Variants in LMLN observed in about 807,000 individuals in gnomAD.
LMLN encodes the protein leishmanolysin like peptidase, also known as leishmanolysin-like peptidase.
A neutral mutation model predicts 92.3 loss-of-function variants in LMLN; 70 were observed. That is an observed-to-expected ratio of 0.76 (90% confidence interval 0.63 to 0.92). The LOEUF (loss-of-function observed/expected upper bound fraction) is 0.92, where lower values mean the gene tolerates loss of function less well. Ranked by LOEUF, LMLN falls within the 40% of genes least tolerant of loss-of-function variation. The pLI is 0.00. For missense variants in LMLN, 691 were observed against 814.6 expected (o/e 0.85, Z 1.85); for synonymous variants, 308 against 296.2 (o/e 1.04, Z -0.41).
At chr3:198,020,766 G>GTTTGTTTTTTTTTTTTTT (rs1260852398) in intron 12 of LMLN, among the ~76,000 whole-genome samples, 2 of 25,644 alleles carry the variant, frequency 7.8e-5, no homozygotes, top group African/African-American at 3.7e-4. Flanking sequence ...GCTAATTTTT[G>GTTTGTTTTTTTTTTTTTT]TATTTTTTTT....
At chr3:198,015,088 C>T (rs564929081) in intron 11 of LMLN, among the ~76,000 whole-genome samples, 1 of 150,278 alleles carries the variant, frequency 6.7e-6, no homozygotes, top group East Asian at 2.0e-4. Flanking sequence ...TCTGACTTCT[C>T]TGTACCCTTC....
intron 9 of LMLN, among the ~76,000 whole-genome samples, chr3:197,993,952 T>C (rs1394750185): frequency 6.6e-6 from 1 of 152,160 alleles, no homozygotes; most frequent in Non-Finnish European, 1.5e-5. Context: ...ATTAATTTAT[T>C]GACTTGATTA....
chr3:197,986,325 G>T (rs900111748), intron 8 of LMLN, among the ~76,000 whole-genome samples: 1 of 152,186 alleles, frequency 6.6e-6, no homozygotes, highest in Non-Finnish European at 1.5e-5. Context: ...GCCAGGCATG[G>T]TTGCATGCGC....
At chr3:198,006,654 T>C (rs1488927183) in intron 11 of LMLN, among the ~76,000 whole-genome samples, 1 of 152,182 alleles carries the variant, frequency 6.6e-6, no homozygotes, top group Non-Finnish European at 1.5e-5. Flanking sequence ...CTAATGATGT[T>C]GAACCTCTTT....
chr3:197,976,592 C>T lies in LMLN; in HGVS notation c.432-6C>T. On this transcript the variant is annotated splice_polypyrimidine_tract_variant and splice_region_variant and intron_variant, in intron 4 of 15. Transcript: ENST00000330198. ...ATTTAAACTTTGATGTACAAATGGA[C>T]TGAAGACAATGTGCAACAAACCAAT... 1.3e-6 allele frequency: 2 copies of T among 1,514,180 alleles called. No homozygotes were observed. The highest frequency in any genetic ancestry group is 1.2e-5 in the South Asian group (1 of 84,216). 93.8% of individuals were successfully genotyped at this position (1,514,180 alleles called of 1,614,324 possible). A position where few individuals can be genotyped will look rare whatever the true frequency, so the allele number is the denominator to read the frequency against.
intron 11 of LMLN, among the ~76,000 whole-genome samples, chr3:198,007,192 G>A (rs781281580): frequency 1.3e-5 from 2 of 152,032 alleles, no homozygotes; most frequent in South Asian, 2.1e-4. Context: ...TAGTTTTGAC[G>A]GAGTCCAGAA....
At chr3:198,030,139 T>C (rs1489077367) in intron 14 of LMLN, among the ~76,000 whole-genome samples, 1 of 152,186 alleles carries the variant, frequency 6.6e-6, no homozygotes, top group Non-Finnish European at 1.5e-5. Context: ...CCACTGCACC[T>C]GGCCTGCTTT....
At chr3:198,005,779 C>T (rs963950331) in intron 11 of LMLN, among the ~76,000 whole-genome samples, 5 of 151,866 alleles carry the variant, frequency 3.3e-5, no homozygotes, top group African/African-American at 1.2e-4. Context: ...TGATTATAGG[C>T]GTGCGCCACC....
chr3:197,972,557 A>G (rs1721259186), intron 1 of LMLN, among the ~76,000 whole-genome samples: 1 of 152,052 alleles, frequency 6.6e-6, no homozygotes, highest in Non-Finnish European at 1.5e-5. Flanking sequence ...AGGTCCTCTT[A>G]GGGTCTGTTT....
rs952427944 is a variant in LMLN, at chr3:198,025,567, A to T, written c.1656+779A>T. 3.3e-5 allele frequency among the ~76,000 whole-genome samples: 5 copies of T among 152,100 alleles called. No homozygotes were observed. The highest frequency in any genetic ancestry group is 1.2e-4 in the African/African-American group (5 of 41,426). ...TGATTTTTTGTAGAGAAGAGGTCTC[A>T]CTATGTTGCCCAGGCTAGATTAGAA... On this transcript the variant is annotated intron_variant, in intron 14 of 15. Coordinates refer to ENST00000330198, the Ensembl canonical transcript of LMLN. This position sits in a 1 kb window ranked among gnomAD's most constrained non-coding sequence, Gnocchi z 4.3.
intron 14 of LMLN, among the ~76,000 whole-genome samples, chr3:198,026,863 G>A (rs138010249): frequency 1.2e-3 from 189 of 152,258 alleles, no homozygotes; most frequent in African/African-American, 4.5e-3. Flanking sequence ...TAAGATCTGG[G>A]TGGTAATTAT....
In LMLN at chr3:197,960,286, C is replaced by G; in HGVS notation, c.65C>G (p.Ser22Ter). The change falls in exon 1 of 16, where the codon TCA (serine) becomes TGA (stop). Residue 22 changes from serine (S) to a stop codon, truncating the protein, a stop_gained. Transcript: ENST00000330198. LOFTEE classifies it high-confidence loss of function. ...GGCGGAGGAGTGGGTTACTCGGGCTCAGGCCCGGGCCGGAGCCGGTGGCGC... is the reference window on the plus strand; with the variant it reads ...GGCGGAGGAGTGGGTTACTCGGGCTGAGGCCCGGGCCGGAGCCGGTGGCGC... 6.2e-7 allele frequency: 1 copy of G among 1,613,722 alleles called. No homozygotes were observed. Among genetic ancestry groups the G allele is most frequent in the Non-Finnish European group, 8.5e-7 (1 of 1,179,832 alleles).
chr3:198,003,349 C>G lies in LMLN; in HGVS notation c.1232+4007C>G, dbSNP rs919006602. On this transcript the variant is annotated intron_variant, in intron 11 of 15. Coordinates refer to ENST00000330198, the Ensembl canonical transcript of LMLN. ...GAATCCACAGTGAAGGGCCCACAGC[C>G]ATGAACATTTCTATTCAGCTTATTA... Among the ~76,000 whole-genome samples the G allele has an allele frequency of 2.0e-4, 30 of 152,234 alleles. No individual in the cohort carries two copies. In the Middle Eastern group the frequency reaches 0.014, roughly 69 times the overall value.
At chr3:198,003,404 CT>C (rs1722228064) in intron 11 of LMLN, among the ~76,000 whole-genome samples, 1 of 152,062 alleles carries the variant, frequency 6.6e-6, no homozygotes. Flanking sequence ...TTTTACAAAC[CT>C]TTTGTTTCCT....
At chr3:198,032,955 G>C (rs1004585981) in intron 14 of LMLN, among the ~76,000 whole-genome samples, 7 of 152,136 alleles carry the variant, frequency 4.6e-5, no homozygotes, top group African/African-American at 1.7e-4. Context: ...TTGGTACCAG[G>C]TGTGGCTGTG....
rs1293793417 is a variant in LMLN, at chr3:198,019,001, C to T, written c.1233-252C>T. Reference sequence around the variant, plus strand: ...ATATTCACACAATCTTTATTTTGCACAGGAAAATAAGATTGTCTGGTGAAG... The same window carrying T: ...ATATTCACACAATCTTTATTTTGCATAGGAAAATAAGATTGTCTGGTGAAG... On this transcript the variant is annotated intron_variant, in intron 11 of 15. Transcript: ENST00000330198. This position sits in a 1 kb window ranked among gnomAD's most constrained non-coding sequence, Gnocchi z 5.5. Among the ~76,000 whole-genome samples the T allele has an allele frequency of 6.6e-6, 1 of 152,148 alleles. No individual in the cohort carries two copies. The highest frequency in any genetic ancestry group is 1.5e-5 in the Non-Finnish European group (1 of 68,032).
chr3:198,035,716 A>G, intron 14 of LMLN, 117 bp from the exon 16 acceptor site: 1 of 838,232 alleles, frequency 1.2e-6, no homozygotes, highest in South Asian at 2.0e-5. Context: ...TGTGCTTTAT[A>G]GCCAATGTTT....
chr3:198,015,164 C>T (rs1398017775), intron 11 of LMLN, among the ~76,000 whole-genome samples: 1 of 134,856 alleles, frequency 7.4e-6, no homozygotes, highest in Non-Finnish European at 1.6e-5. Flanking sequence ...TGACTTCTCT[C>T]CACCCTTCAG....
chr3:197,968,992 A>G (rs776263790), intron 1 of LMLN, among the ~76,000 whole-genome samples: 7 of 152,182 alleles, frequency 4.6e-5, no homozygotes, highest in Non-Finnish European at 1.0e-4. Context: ...GAAGTTTTTC[A>G]TAACATTCCT....
Sources: allele counts gnomAD v4.1 joint callset (sites outside exome capture counted in the v4.1 genomes callset), GRCh38; gene constraint gnomAD v4.1.1; non-coding constraint Gnocchi (gnomAD v3.1); transcripts MANE v1.5; gene names NCBI Gene and HGNC (gene_info 2026-07-23, HGNC 2026-07-21).